Variants in PPP2R2A observed in about 807,000 individuals in gnomAD.
The protein encoded by PPP2R2A is protein phosphatase 2 regulatory subunit Balpha, also known as serine/threonine-protein phosphatase 2A 55 kDa regulatory subunit B alpha isoform.
In PPP2R2A, 9 loss-of-function variants were observed where a neutral mutation model predicts 53.2. That is an observed-to-expected ratio of 0.17 (90% CI 0.10 to 0.30). The LOEUF is 0.30. PPP2R2A is among the 10% of genes least tolerant of loss of function. The probability of loss-of-function intolerance (pLI) is 1.00; values close to 1 mark genes in which losing one functional copy is unlikely to be tolerated. For synonymous variants in PPP2R2A, 169 were observed against 174.2 expected (o/e 0.97, Z 0.23); for missense variants, 235 against 534.6 (o/e 0.44, Z 5.53).
chr8:26,340,606 A>C (rs1334092591), intron 3 of PPP2R2A, among the ~76,000 whole-genome samples: 1 of 152,100 alleles, frequency 6.6e-6, no homozygotes, highest in Non-Finnish European at 1.5e-5. Context: ...CTAAAATACA[A>C]GTTTGTCAAT....
In PPP2R2A at chr8:26,326,622, C is replaced by G. The variant is rs551106840; in HGVS notation, c.83-12268C>G. ...AGATATTAATAGCCAGATACCCATT[C>G]TAATTATAAAAATACCTTAATTAGG... On this transcript the variant is annotated intron_variant, in intron 2 of 9. Transcript: ENST00000380737. Among the ~76,000 whole-genome samples, 174 of 152,240 alleles carry G rather than the reference C, an allele frequency of 1.1e-3. 1 individual carries two copies. The highest frequency in any genetic ancestry group is 3.9e-3 in the Admixed American group (59 of 15,290).
chr8:26,308,850 C>T (rs1802142539), intron 2 of PPP2R2A, among the ~76,000 whole-genome samples: 1 of 151,840 alleles, frequency 6.6e-6, no homozygotes, highest in Non-Finnish European at 1.5e-5. Flanking sequence ...CAGTTACAGC[C>T]TTACAAAATA....
chr8:26,298,720 C>G (rs1251883801), intron 2 of PPP2R2A: 1 of 152,162 alleles, frequency 6.6e-6, no homozygotes, highest in Non-Finnish European at 1.5e-5. Flanking sequence ...CCCCTGTCAC[C>G]CGGCGTTGTC....
chr8:26,367,632 C>T (rs1262719884), intron 9 of PPP2R2A, among the ~76,000 whole-genome samples: 2 of 152,232 alleles, frequency 1.3e-5, no homozygotes, highest in Admixed American at 6.5e-5. Flanking sequence ...CGCATGTGCT[C>T]ACATGCAACT....
chr8:26,314,235 C>A (rs116253843), intron 2 of PPP2R2A, among the ~76,000 whole-genome samples: 2,911 of 152,294 alleles, frequency 0.019, 91 homozygotes, highest in African/African-American at 0.067. Context: ...TCTGCAGAGA[C>A]TGAATCCCCT....
chr8:26,346,228 C>T (rs1164647862), intron 3 of PPP2R2A, among the ~76,000 whole-genome samples: 3 of 151,984 alleles, frequency 2.0e-5, no homozygotes, highest in African/African-American at 7.2e-5. Context: ...GCAACTTCCA[C>T]CACCCAGGTT....
intron 1 of PPP2R2A, chr8:26,293,358 T>G: frequency 7.7e-7 from 1 of 1,302,866 alleles, no homozygotes; most frequent in Non-Finnish European, 1.1e-6. Context: ...GGTATTTACT[T>G]TTTTTCTGGT....
In PPP2R2A at chr8:26,298,732, A is replaced by G. The variant is rs539217573; in HGVS notation, c.82+4992A>G. The G allele has an allele frequency of 8.5e-5, 13 of 152,330 alleles. No individual in the cohort carries two copies. In the South Asian group the frequency reaches 1.0e-3, roughly 12 times the overall value. 9.4% of individuals were successfully genotyped at this position (152,330 alleles called of 1,614,324 possible). A position where few individuals can be genotyped will look rare whatever the true frequency, so the allele number is the denominator to read the frequency against. On this transcript the variant is annotated intron_variant, in intron 2 of 9. Transcript: ENST00000380737. ...GAACCCCTGTCACCCGGCGTTGTCA[A>G]TGGCCAGTGTTGCCCCATGTATGGT...
intron 9 of PPP2R2A, 81 bp downstream of exon 9, chr8:26,366,487 C>G: frequency 9.7e-7 from 1 of 1,026,132 alleles, no homozygotes; most frequent in Non-Finnish European, 1.4e-6. Flanking sequence ...AACTTCGTCT[C>G]TAGGGATTCC....
At chr8:26,341,144 A>T (rs1316760633) in intron 3 of PPP2R2A, among the ~76,000 whole-genome samples, 1 of 152,162 alleles carries the variant, frequency 6.6e-6, no homozygotes, top group East Asian at 1.9e-4. Context: ...TTAGTGGTGT[A>T]AATATCAGCA....
At chr8:26,309,507 A>G (rs1400189075) in intron 2 of PPP2R2A, among the ~76,000 whole-genome samples, 1 of 152,180 alleles carries the variant, frequency 6.6e-6, no homozygotes, top group Non-Finnish European at 1.5e-5. Context: ...GCCCCTAACA[A>G]AAGAGCCTGT....
intron 3 of PPP2R2A, 89 bp downstream of exon 3, chr8:26,339,076 G>A: frequency 1.0e-6 from 1 of 987,040 alleles, no homozygotes; most frequent in Non-Finnish European, 1.5e-6. Flanking sequence ...AGAGGATGTT[G>A]GAATTTTAAA....
chr8:26,333,490 CTTAT>C (rs1803486403), intron 2 of PPP2R2A: 2 of 1,225,318 alleles, frequency 1.6e-6, no homozygotes, highest in African/African-American at 1.5e-5. Flanking sequence ...TTTCAGATCA[CTTAT>C]TTGAGACATA....
intron 3 of PPP2R2A, among the ~76,000 whole-genome samples, chr8:26,344,633 C>G (rs980763482): frequency 2.0e-5 from 3 of 152,200 alleles, no homozygotes; most frequent in African/African-American, 7.2e-5. Flanking sequence ...TCTTCTTGTT[C>G]AGCCTTTTAG....
At chr8:26,365,612 A>G (rs1358668690) in intron 8 of PPP2R2A, 2 of 152,202 alleles carry the variant, frequency 1.3e-5, no homozygotes, top group Non-Finnish European at 2.9e-5. Context: ...TTTTGTTTGT[A>G]ATTAATATTA....
intron 2 of PPP2R2A, 67 bp downstream of exon 2, chr8:26,293,807 T>A: frequency 7.0e-7 from 1 of 1,436,110 alleles, no homozygotes. Flanking sequence ...ACTGGAGGAT[T>A]TCCTTGAAGC....
intron 2 of PPP2R2A, among the ~76,000 whole-genome samples, chr8:26,314,120 CAAG>C (rs1453720157): frequency 2.0e-5 from 3 of 152,154 alleles, no homozygotes; most frequent in Non-Finnish European, 4.4e-5. Context: ...TCCACATGAT[CAAG>C]AAGAATCAGT....
intron 1 of PPP2R2A, chr8:26,293,414 TTG>T (rs1801399256): frequency 2.5e-6 from 2 of 800,542 alleles, no homozygotes; most frequent in African/African-American, 3.5e-5. Context: ...GACAGGAAGT[TTG>T]TGAACAGATG....
intron 2 of PPP2R2A, among the ~76,000 whole-genome samples, chr8:26,327,619 A>G (rs1477609459): frequency 4.6e-5 from 7 of 152,210 alleles, no homozygotes; most frequent in Non-Finnish European, 7.3e-5. Context: ...CAGTGATAAA[A>G]GAGCGTCGTA....
Sources: gnomAD v4.1 joint callset for allele counts (sites outside exome capture counted in the v4.1 genomes callset) on GRCh38, gnomAD v4.1.1 for gene constraint, MANE v1.5 for transcripts, NCBI Gene and HGNC (gene_info 2026-07-23, HGNC 2026-07-21) for gene names.